LAMA4: variants seen among roughly 807,000 people sequenced by gnomAD.
The protein encoded by LAMA4 is laminin subunit alpha-4.
LAMA4 carries 127 observed loss-of-function variants against 207.1 expected under a neutral mutation model. That is an observed-to-expected ratio of 0.61 (90% CI 0.53 to 0.71). LAMA4 has a LOEUF of 0.71. Ranked by LOEUF, LAMA4 falls within the 30% of genes least tolerant of loss-of-function variation. LAMA4 has a pLI of 0.00. For synonymous variants in LAMA4, 761 were observed against 816.0 expected, an observed-to-expected ratio of 0.93 and a Z score of 1.15; for missense variants, 2,093 against 2,246.5, an observed-to-expected ratio of 0.93 and a Z score of 1.38.
intron 9 of LAMA4, 73 bp downstream of exon 9, chr6:112,185,164 G>T: frequency 1.0e-6 from 1 of 1,004,494 alleles, no homozygotes; most frequent in South Asian, 1.3e-5. Flanking sequence ...AGTCGTTTGT[G>T]ACCAGCCAGC....
intron 2 of LAMA4, among the ~76,000 whole-genome samples, chr6:112,241,140 T>TATATATATGA (rs1389464550): frequency 0.085 from 5,831 of 68,396 alleles, 799 homozygotes; most frequent in East Asian, 0.15. Context: ...TATATAGGAA[T>TATATATATGA]ATATATATGA....
chr6:112,213,017 T>C (rs1280190028), intron 3 of LAMA4, among the ~76,000 whole-genome samples: 1 of 152,258 alleles, frequency 6.6e-6, no homozygotes. Context: ...AAGAAACAAA[T>C]TAGCCTTCAA....
chr6:112,228,507 A>G (rs2115118939), intron 2 of LAMA4, among the ~76,000 whole-genome samples: 1 of 152,320 alleles, frequency 6.6e-6, no homozygotes, highest in South Asian at 2.1e-4. Context: ...GAAGAGAAAG[A>G]AGAGAATTAG....
At chr6:112,149,979 T>C (rs143817634) in intron 17 of LAMA4, among the ~76,000 whole-genome samples, 1 of 152,310 alleles carries the variant, frequency 6.6e-6, no homozygotes, top group East Asian at 1.9e-4. Context: ...AAGCAAAACG[T>C]GTGCTTTTGT....
chr6:112,165,956 A>G (rs1250488360), intron 12 of LAMA4, among the ~76,000 whole-genome samples: 1 of 152,192 alleles, frequency 6.6e-6, no homozygotes, highest in Non-Finnish European at 1.5e-5. Context: ...GGGGCTTCCA[A>G]TGAGTTTAGA....
intron 17 of LAMA4, 59 bp downstream of exon 17, chr6:112,150,452 G>T: frequency 9.7e-7 from 1 of 1,026,560 alleles, no homozygotes; most frequent in East Asian, 2.4e-5. Flanking sequence ...CTTCCTTGAA[G>T]GTTTACCTTA....
chr6:112,188,751 ATTGT>A (rs782464136), intron 7 of LAMA4: 13 of 202,350 alleles, frequency 6.4e-5, no homozygotes, highest in South Asian at 3.1e-4. Flanking sequence ...GGTGTTGTAA[ATTGT>A]TTGTACGTCG....
At chr6:112,122,673 A>C (rs2080811473) in intron 31 of LAMA4, among the ~76,000 whole-genome samples, 1 of 152,192 alleles carries the variant, frequency 6.6e-6, no homozygotes, top group Non-Finnish European at 1.5e-5. Context: ...ACTTAAGGAT[A>C]TTTTTGGTGA....
chr6:112,159,034 CTATT>C (rs1780895783), intron 13 of LAMA4, 154 bp from the exon 14 acceptor site: 1 of 624,064 alleles, frequency 1.6e-6, no homozygotes. Context: ...AAGTATATGT[CTATT>C]TATCCCGCAT....
At chr6:112,207,974 C>T (rs1784159527) in intron 3 of LAMA4, among the ~76,000 whole-genome samples, 1 of 152,160 alleles carries the variant, frequency 6.6e-6, no homozygotes, top group African/African-American at 2.4e-5. Flanking sequence ...GCCATTAACT[C>T]GAACGGAGTA....
intron 4 of LAMA4, 151 bp downstream of exon 4, chr6:112,206,870 C>T: frequency 1.1e-6 from 1 of 881,040 alleles, no homozygotes; most frequent in Admixed American, 2.4e-5. Flanking sequence ...GGACTAGAAA[C>T]TTTTTCTATA....
At chr6:112,119,096 C>T in intron 34 of LAMA4, 60 bp downstream of exon 34, 3 of 1,555,254 alleles carry the variant, frequency 1.9e-6, no homozygotes, top group Non-Finnish European at 2.7e-6. Context: ...ACGAGGGCCT[C>T]AATTAGATGA....
intron 35 of LAMA4, 88 bp from the exon 36 acceptor site, chr6:112,116,081 C>T: frequency 7.4e-7 from 1 of 1,354,490 alleles, no homozygotes; most frequent in Non-Finnish European, 1.0e-6. Context: ...ATATTTTTAT[C>T]TGTTTTTGAA....
chr6:112,200,062 T>C (rs1231029811), intron 5 of LAMA4: 7 of 527,076 alleles, frequency 1.3e-5, no homozygotes, highest in Non-Finnish European at 2.7e-5. Flanking sequence ...GAGAGACTCT[T>C]TGAGCAAAAG....
At chr6:112,158,017 C>A (rs1780822829) in intron 14 of LAMA4, 1 of 152,088 alleles carries the variant, frequency 6.6e-6, no homozygotes. Context: ...TATTAATGAC[C>A]TTTACTGGTC....
chr6:112,199,018 A>G (rs1783580916), intron 5 of LAMA4, among the ~76,000 whole-genome samples: 1 of 152,130 alleles, frequency 6.6e-6, no homozygotes, highest in Non-Finnish European at 1.5e-5. Flanking sequence ...CTAATGCTCA[A>G]ATCTCTTCTT....
chr6:112,166,651 A>T (rs2066004712), intron 12 of LAMA4, among the ~76,000 whole-genome samples: 1 of 152,240 alleles, frequency 6.6e-6, no homozygotes, highest in Non-Finnish European at 1.5e-5. Flanking sequence ...TATTTGCAGT[A>T]GATGAAAAAC....
At chr6:112,204,616 G>T (rs1783950215) in intron 4 of LAMA4, among the ~76,000 whole-genome samples, 2 of 152,138 alleles carry the variant, frequency 1.3e-5, no homozygotes, top group Admixed American at 1.3e-4. Flanking sequence ...ATATACCATG[G>T]CAAGAGAACT....
intron 2 of LAMA4, among the ~76,000 whole-genome samples, chr6:112,226,879 T>C (rs1395566306): frequency 2.6e-5 from 4 of 152,156 alleles, no homozygotes; most frequent in Non-Finnish European, 4.4e-5. Context: ...GTTTATACTG[T>C]ATTTTAAAAC....
Sources: gnomAD v4.1 joint callset for allele counts (sites outside exome capture counted in the v4.1 genomes callset) on GRCh38, gnomAD v4.1.1 for gene constraint, MANE v1.5 for transcripts, NCBI Gene and HGNC (gene_info 2026-07-23, HGNC 2026-07-21) for gene names.